The following CCDC187 variants were observed in gnomAD, a reference collection of about 807,000 sequenced individuals.
CCDC187 encodes coiled-coil domain-containing protein 187.
CCDC187 carries 32 observed loss-of-function variants against 38.0 expected under a neutral mutation model. That is an observed-to-expected ratio of 0.84 (90% CI 0.64 to 1.13). The LOEUF is 1.13. Among genes scored for constraint, CCDC187 ranks in the 50% most tolerant of loss-of-function variants. The pLI is 0.00. For synonymous variants in CCDC187, 333 were observed against 347.9 expected, an observed-to-expected ratio of 0.96 and a Z score of 0.48; for missense variants, 707 against 786.8, an observed-to-expected ratio of 0.90 and a Z score of 1.21.
intron 19 of CCDC187, among the ~76,000 whole-genome samples, chr9:136,261,681 A>C (rs1365546248): frequency 1.3e-5 from 2 of 152,196 alleles, no homozygotes; most frequent in Admixed American, 1.3e-4. Context: ...AACTCCCCTC[A>C]CTGCAGAGGC....
chr9:136,251,923 C>G lies in CCDC187; in HGVS notation c.*1671G>C, dbSNP rs1161004658. ...GAGCCGGCCGCCCACCTGGTCCACC[C>G]TGGGAAGAGCCGGCCGCCCACCCAG... is the stretch of plus-strand genomic sequence containing the variant. On this transcript the variant is annotated 3_prime_UTR_variant, in exon 26 of 26. Transcript: ENST00000638797. 6 of 122,720 alleles carry G rather than the reference C, an allele frequency of 4.9e-5. No homozygotes were observed. The South Asian group carries it at 7.8e-4, about 16-fold the overall frequency. The allele number at this position is 122,720 out of a possible 1,614,324, so 7.6% of individuals were successfully genotyped here.
intron 12 of CCDC187, among the ~76,000 whole-genome samples, chr9:136,275,458 G>A (rs1019852715): frequency 1.3e-5 from 2 of 151,892 alleles, no homozygotes; most frequent in Non-Finnish European, 2.9e-5. Context: ...ACACACACGT[G>A]CACACACACC....
chr9:136,291,814 C>T (rs1564322891), intron 5 of CCDC187, among the ~76,000 whole-genome samples, 169 bp from the exon 6 acceptor site: 4 of 152,288 alleles, frequency 2.6e-5, no homozygotes, highest in African/African-American at 9.6e-5. Context: ...GATGAGCCAC[C>T]GCTCTGCACA....
In CCDC187 at chr9:136,257,504, T is replaced by C. The variant is rs782539823; in HGVS notation, c.4367-663A>G. Among the ~76,000 whole-genome samples the C allele has an allele frequency of 3.2e-4, 49 of 151,850 alleles. No homozygotes were observed. The highest frequency in any genetic ancestry group is 6.0e-4 in the Non-Finnish European group (41 of 67,952). On this transcript the variant is annotated intron_variant, in intron 22 of 25. Transcript: ENST00000638797. This position sits in a 1 kb window ranked among gnomAD's most constrained non-coding sequence, Gnocchi z 4.5. Reference sequence around the variant, plus strand: ...GACAGACACTGGTGTGAGGCAGGGGTGGTGCAGAGGGCCGGTGGGGGGCAG... The same window carrying C: ...GACAGACACTGGTGTGAGGCAGGGGCGGTGCAGAGGGCCGGTGGGGGGCAG...
At position 136,251,065 on chromosome 9, in the gene CCDC187, C is replaced by G. The variant is rs1422721111; in HGVS notation, c.*2529G>C. The G allele has an allele frequency of 4.4e-6, 2 of 455,462 alleles. No individual in the cohort carries two copies. Among genetic ancestry groups the G allele is most frequent in the Non-Finnish European group, 8.8e-6 (2 of 226,356 alleles). 28.2% of individuals were successfully genotyped at this position (455,462 alleles called of 1,614,324 possible). ...CATGCATAAAGTCTGGAGTATGCTC[C>G]TCTCTGAAGTGGAGGAGGCCTGAGG... On this transcript the variant is annotated 3_prime_UTR_variant, in exon 26 of 26. Transcript: ENST00000638797.
chr9:136,259,983 GC>G (rs1554760787), intron 20 of CCDC187, 135 bp downstream of exon 20: 2 of 711,084 alleles, frequency 2.8e-6, no homozygotes, highest in African/African-American at 3.8e-5. Flanking sequence ...GGCCGGGGTG[GC>G]CCGGTCACAG....
At chr9:136,302,071 A>T (rs1831699187) in intron 2 of CCDC187, among the ~76,000 whole-genome samples, 1 of 151,974 alleles carries the variant, frequency 6.6e-6, no homozygotes, top group South Asian at 2.1e-4. Flanking sequence ...TTAGCCAGGC[A>T]TAGTGACGGG....
In CCDC187 at chr9:136,251,347, C is replaced by A. The variant is rs1376975181; in HGVS notation, c.*2247G>T. On this transcript the variant is annotated 3_prime_UTR_variant, in exon 26 of 26. Coordinates refer to ENST00000638797, the MANE Select transcript of CCDC187 (RefSeq NM_001378188.1). ...CCAGAAGAGACCTTGGGCCACTGAT[C>A]CCCAGAGGAAAAGCCCCCGGCCGTG... The A allele has an allele frequency of 1.1e-5, 3 of 281,088 alleles. No homozygotes were observed. The highest frequency in any genetic ancestry group is 3.3e-5 in the South Asian group (1 of 29,906). The allele number at this position is 281,088 out of a possible 1,614,324, so 17.4% of individuals were successfully genotyped here. A position where few individuals can be genotyped will look rare whatever the true frequency, so the allele number is the denominator to read the frequency against.
rs868958842 is a variant in CCDC187, at chr9:136,271,309, G to A, written c.3443-3184C>T. 2.6e-5 allele frequency among the ~76,000 whole-genome samples: 4 copies of A among 152,114 alleles called. No homozygotes were observed. The East Asian group carries it at 7.7e-4, about 29-fold the overall frequency. On this transcript the variant is annotated intron_variant, in intron 14 of 25. Transcript: ENST00000638797. Reference sequence around the variant, plus strand: ...GGCTGAAGTGGGCAAATCACCTCAGGTCAGGAGTTCAAGACCAGCCTGGCC... The same window carrying A: ...GGCTGAAGTGGGCAAATCACCTCAGATCAGGAGTTCAAGACCAGCCTGGCC...
In CCDC187 at chr9:136,290,975, A is replaced by C; in HGVS notation, c.1638T>G (p.Thr546=). The change falls in exon 6 of 26, where the codon ACT becomes ACG. Residue 546 remains threonine, a synonymous_variant. Coordinates refer to ENST00000638797, the MANE Select transcript of CCDC187 (RefSeq NM_001378188.1). ...CAGGGTCCTCCCAGGTTTCACAGGC[A>C]GTCCAGGCCCTCCGTGGACAGGGCT... The part of the protein sequence containing the change: ...ATQPCPRRAW[T]ACETWEDPGP... The C allele has an allele frequency of 2.5e-6, 1 of 398,654 alleles. No individual in the cohort carries two copies. The highest frequency in any genetic ancestry group is 4.4e-6 in the Non-Finnish European group (1 of 226,110). 24.7% of individuals were successfully genotyped at this position (398,654 alleles called of 1,614,324 possible).
chr9:136,274,288 C>T (rs1364881140), intron 14 of CCDC187, among the ~76,000 whole-genome samples: 2 of 152,260 alleles, frequency 1.3e-5, no homozygotes, highest in Non-Finnish European at 2.9e-5. Context: ...CGCATTCACC[C>T]TCCCTGGGCT....
chr9:136,283,260 C>T (rs1033737964), intron 9 of CCDC187, among the ~76,000 whole-genome samples: 1 of 152,096 alleles, frequency 6.6e-6, no homozygotes, highest in Non-Finnish European at 1.5e-5. Flanking sequence ...AAAATAAAAA[C>T]AAAACAAAAC....
chr9:136,283,075 C>G (rs1204071388), intron 9 of CCDC187, among the ~76,000 whole-genome samples: 3 of 152,196 alleles, frequency 2.0e-5, no homozygotes, highest in Non-Finnish European at 4.4e-5. Flanking sequence ...ATGGTGAAAC[C>G]CCGTCTCTAC....
At chr9:136,262,968 G>A (rs1274981114) in intron 18 of CCDC187, among the ~76,000 whole-genome samples, 1 of 152,114 alleles carries the variant, frequency 6.6e-6, no homozygotes, top group Non-Finnish European at 1.5e-5. Flanking sequence ...CTCCAAGGAT[G>A]CAGCTGCTGC....
chr9:136,303,943 G>C lies in CCDC187; in HGVS notation c.-113C>G, dbSNP rs1019852045. The C allele has an allele frequency of 7.2e-5, 11 of 152,430 alleles. No individual in the cohort carries two copies. Among genetic ancestry groups the C allele is most frequent in the African/African-American group, 2.2e-4 (9 of 41,470 alleles). 9.4% of individuals were successfully genotyped at this position (152,430 alleles called of 1,614,324 possible). A position where few individuals can be genotyped will look rare whatever the true frequency, so the allele number is the denominator to read the frequency against. ...GGCCTGCAGCCCCACCTATGACCCT[G>C]CCCGGGATGGGCTGGCCACTGCCTG... On this transcript the variant is annotated 5_prime_UTR_variant, in exon 1 of 26. Transcript: ENST00000638797.
upstream of CCDC187, among the ~76,000 whole-genome samples, chr9:136,305,047 G>A (rs1044785871): frequency 5.9e-5 from 9 of 152,206 alleles, no homozygotes; most frequent in African/African-American, 2.2e-4. Flanking sequence ...GCCAAACGGG[G>A]CCCTGGCTGC....
chr9:136,293,133 A>C (rs1831378528), intron 4 of CCDC187, among the ~76,000 whole-genome samples: 1 of 147,856 alleles, frequency 6.8e-6, no homozygotes, highest in East Asian at 1.9e-4. Flanking sequence ...AAACACTCAC[A>C]TGCTCACACA....
chr9:136,282,627 C>T (rs887995458), intron 9 of CCDC187, among the ~76,000 whole-genome samples: 1 of 152,206 alleles, frequency 6.6e-6, no homozygotes. Flanking sequence ...GCTGCCCACA[C>T]CTGTGGCCCA....
At chr9:136,287,596 C>T (rs1326324506) in intron 7 of CCDC187, among the ~76,000 whole-genome samples, 1 of 152,234 alleles carries the variant, frequency 6.6e-6, no homozygotes, top group Admixed American at 6.5e-5. Context: ...CCCACCTCCT[C>T]GGCTGCGGCA....
Sources: gnomAD v4.1 joint callset for allele counts (sites outside exome capture counted in the v4.1 genomes callset) on GRCh38, gnomAD v4.1.1 for gene constraint, Gnocchi (gnomAD v3.1) non-coding constraint, MANE v1.5 for transcripts, NCBI Gene and HGNC (gene_info 2026-07-23, HGNC 2026-07-21) for gene names.